Variants in SMG1 observed in about 807,000 individuals in gnomAD.
SMG1 encodes the protein serine/threonine-protein kinase SMG1.
SMG1 carries 22 observed loss-of-function variants against 419.9 expected under a neutral mutation model. The ratio of observed to expected loss-of-function variants is 0.05; its 90% CI spans 0.04 to 0.07. SMG1 has a LOEUF of 0.07. Ranked by LOEUF, SMG1 falls within the 10% of genes least tolerant of loss-of-function variation. The probability of loss-of-function intolerance (pLI) is 1.00; values close to 1 mark genes in which losing one functional copy is unlikely to be tolerated. For missense variants in SMG1, 3,185 were observed against 4,342.0 expected, an observed-to-expected ratio of 0.73 and a Z score of 7.49; for synonymous variants, 1,538 against 1,553.5, an observed-to-expected ratio of 0.99 and a Z score of 0.23.
At position 18,922,489 on chromosome 16, in the gene SMG1, G is replaced by A. The variant is rs558754440; in HGVS notation, c.92+3461C>T. Among the ~76,000 whole-genome samples, 9 of 152,286 alleles carry A rather than the reference G, an allele frequency of 5.9e-5. No homozygotes were observed. The East Asian group carries it at 1.7e-3, about 30-fold the overall frequency. On this transcript the variant is annotated intron_variant, in intron 1 of 62. Transcript: ENST00000446231. ...CATTTGTTTAACCATTCTTTGAGAA[G>A]GAGTCTTGCTCTGTTGCCCAGGCTG...
At chr16:18,841,869 C>T in intron 40 of SMG1, 75 bp from the exon 41 acceptor site, 2 of 1,246,996 alleles carry the variant, frequency 1.6e-6, no homozygotes, top group Non-Finnish European at 2.3e-6. Context: ...TCTTTTTCAA[C>T]TAGCAGTGGC....
rs934054090 is a variant in SMG1 at position 18,864,112 on chromosome 16, T to C, written c.3383A>G (p.His1128Arg). 1.4e-5 allele frequency: 22 copies of C among 1,548,942 alleles called. No homozygotes were observed. The highest frequency in any genetic ancestry group is 3.9e-5 in the Admixed American group (2 of 50,876). Reference protein sequence around the residue: ...FEKASVEYQEHLCAMTGVDCC... With the variant: ...FEKASVEYQERLCAMTGVDCC... ...ATCAACACCTGTCATGGCACACAGG[T>C]GTTCCTGGTACTCCACAGAGGCCTT... is the stretch of plus-strand genomic sequence containing the variant. Residue 1128 changes from histidine to arginine, a missense_variant, in exon 24 of 63, where the codon CAC (histidine) becomes CGC (arginine). Coordinates refer to ENST00000446231, the MANE Select transcript of SMG1 (RefSeq NM_015092.5).
At chr16:18,813,355 G>T (rs1290484291) in intron 60 of SMG1, among the ~76,000 whole-genome samples, 3 of 151,530 alleles carry the variant, frequency 2.0e-5, no homozygotes, top group Non-Finnish European at 2.9e-5. Context: ...TTTTAATGAT[G>T]GCCATTCTAA....
intron 39 of SMG1, 128 bp from the exon 40 acceptor site, chr16:18,842,582 T>C (rs2033985501): frequency 2.3e-6 from 2 of 887,716 alleles, no homozygotes; most frequent in Admixed American, 2.5e-5. Flanking sequence ...CCCAGCACTT[T>C]GGGAGGCCGA....
chr16:18,890,987 T>A, intron 4 of SMG1, 66 bp from the exon 5 acceptor site: 1 of 830,844 alleles, frequency 1.2e-6, no homozygotes, highest in African/African-American at 1.7e-5. Flanking sequence ...CATTGTGTAC[T>A]TTTTTACTTG....
At chr16:18,924,543 A>C (rs2038318166) in intron 1 of SMG1, among the ~76,000 whole-genome samples, 1 of 152,240 alleles carries the variant, frequency 6.6e-6, no homozygotes, top group Admixed American at 6.5e-5. Context: ...CATTTCAATA[A>C]AAAGGCAAAA....
intron 29 of SMG1, chr16:18,857,668 T>G (rs939110474): frequency 6.6e-6 from 1 of 152,206 alleles, no homozygotes; most frequent in Non-Finnish European, 1.5e-5. Context: ...CTCAAAGACT[T>G]GCACATGAAT....
chr16:18,894,468 T>C (rs1477374749), intron 3 of SMG1, among the ~76,000 whole-genome samples: 1 of 152,164 alleles, frequency 6.6e-6, no homozygotes, highest in East Asian at 1.9e-4. Flanking sequence ...GAGGAATTGT[T>C]TACTGAACTA....
In SMG1 at chr16:18,833,044, A is replaced by T; in HGVS notation, c.8688T>A (p.Asp2896Glu). Reference sequence around the variant, plus strand: ...CCACTAGAGTCTGCAGGGGAACGCCATCGGTGGTCTGCTCAATAAGACCGT... The same window carrying T: ...CCACTAGAGTCTGCAGGGGAACGCCTTCGGTGGTCTGCTCAATAAGACCGT... ...ELDGLIEQTT[D>E]GVPLQTLVES... is the part of the protein sequence containing the mutation. Residue 2896 changes from aspartate (D) to glutamate (E), a missense_variant, in exon 51 of 63, where the codon GAT becomes GAA. By Grantham distance (45) the Asp-to-Glu change is conservative. Coordinates refer to ENST00000446231, the MANE Select transcript of SMG1 (RefSeq NM_015092.5). 1 of 1,614,002 alleles carries T rather than the reference A, an allele frequency of 6.2e-7. No homozygotes were observed. The highest frequency in any genetic ancestry group is 8.5e-7 in the Non-Finnish European group (1 of 1,179,886).
At chr16:18,887,190 T>C (rs1454150845) in intron 6 of SMG1, among the ~76,000 whole-genome samples, 1 of 152,202 alleles carries the variant, frequency 6.6e-6, no homozygotes, top group Non-Finnish European at 1.5e-5. Context: ...CTGGTGCATC[T>C]ATCTTTCTAT....
In SMG1 at chr16:18,859,692, G is replaced by A. The variant is rs1236207421; in HGVS notation, c.3817C>T (p.Leu1273=). 6.3e-7 allele frequency: 1 copy of A among 1,599,788 alleles called. No individual in the cohort carries two copies. The change falls in exon 27 of 63, where the codon CTG becomes TTG. Residue 1273 remains leucine, a synonymous_variant. Transcript: ENST00000446231. ...TCCGGACTTAACATGTTAGGAAGCAGTTTTTTCATGTCTACCAAAGTTAAA... is the reference window on the plus strand; with the variant it reads ...TCCGGACTTAACATGTTAGGAAGCAATTTTTTCATGTCTACCAAAGTTAAA... ...GSKEKIDMKK[L]LPNMLSPDPR...
At chr16:18,813,876 C>T (rs1017867565) in intron 60 of SMG1, among the ~76,000 whole-genome samples, 1 of 150,828 alleles carries the variant, frequency 6.6e-6, no homozygotes, top group African/African-American at 2.4e-5. Flanking sequence ...TATAAAAATA[C>T]AAAAATTAGC....
intron 55 of SMG1, among the ~76,000 whole-genome samples, chr16:18,821,221 C>T (rs867083467): frequency 0.029 from 1,024 of 35,126 alleles, 1 homozygote; most frequent in African/African-American, 0.053. Context: ...TAGTATGTTT[C>T]TTTTTTTTTT....
At chr16:18,850,565 AAAAGAT>A in intron 33 of SMG1, 98 bp from the exon 34 acceptor site, 1 of 747,432 alleles carries the variant, frequency 1.3e-6, no homozygotes, top group Non-Finnish European at 2.1e-6. Flanking sequence ...TCTCATATAT[AAAAGAT>A]AAAATTATCC....
At position 18,809,519 on chromosome 16, in the gene SMG1, C is replaced by G. The variant is rs1390601999; in HGVS notation, c.*50G>C. 7 of 1,414,960 alleles carry G rather than the reference C, an allele frequency of 4.9e-6. No individual in the cohort carries two copies. Among genetic ancestry groups the G allele is most frequent in the Non-Finnish European group, 6.9e-6 (7 of 1,011,002 alleles). The allele number at this position is 1,414,960 out of a possible 1,614,324, so 87.7% of individuals were successfully genotyped here. On this transcript the variant is annotated 3_prime_UTR_variant, in exon 63 of 63. Coordinates refer to ENST00000446231, the MANE Select transcript of SMG1 (RefSeq NM_015092.5). ...TTGGATGCCTGAGGCTGAGTTGATT[C>G]TGGTGGATGTCTGACCTCGCTTAAC...
At chr16:18,903,291 C>A (rs532613186) in intron 1 of SMG1, among the ~76,000 whole-genome samples, 5 of 152,282 alleles carry the variant, frequency 3.3e-5, no homozygotes, top group African/African-American at 9.6e-5. Context: ...GGCAGTAGAT[C>A]TGATTTTAAC....
At chr16:18,884,486 A>G (rs1470713988) in intron 8 of SMG1, among the ~76,000 whole-genome samples, 10 of 152,312 alleles carry the variant, frequency 6.6e-5, no homozygotes, top group East Asian at 1.9e-4. Context: ...CCATTGGCCC[A>G]GCTAATCCCA....
chr16:18,891,626 G>C (rs2036885626), intron 4 of SMG1, among the ~76,000 whole-genome samples: 1 of 152,066 alleles, frequency 6.6e-6, no homozygotes, highest in Non-Finnish European at 1.5e-5. Context: ...TAGAGATGGG[G>C]CTTCACTATG....
Position 18,826,961 on chromosome 16 carries a change from G to A in SMG1, c.9741+1070C>T, listed in dbSNP as rs2032725227. Among the ~76,000 whole-genome samples, 2 of 45,462 alleles carry A rather than the reference G, an allele frequency of 4.4e-5. 1 individual carries two copies. Among genetic ancestry groups the A allele is most frequent in the African/African-American group, 1.3e-4 (2 of 15,164 alleles). The allele number at this position is 45,462 out of a possible 152,430, so 29.8% of individuals were successfully genotyped here. The stretch of plus-strand genomic sequence containing the variant: ...GCCAGGTGTGGGATATAGTCTCGTG[G>A]TGCGCCGTTTCTTAAGCCGGTCTGA... On this transcript the variant is annotated intron_variant, in intron 55 of 62. Coordinates refer to ENST00000446231, the MANE Select transcript of SMG1 (RefSeq NM_015092.5).
Sources: allele counts gnomAD v4.1 joint callset (sites outside exome capture counted in the v4.1 genomes callset), GRCh38; gene constraint gnomAD v4.1.1; transcripts MANE v1.5; gene names NCBI Gene and HGNC (gene_info 2026-07-23, HGNC 2026-07-21).